QRSL1: variants seen among roughly 807,000 people sequenced by gnomAD.
QRSL1 encodes the protein glutamyl-tRNA(Gln) amidotransferase subunit A, mitochondrial.
QRSL1 carries 54 observed loss-of-function variants against 61.6 expected under a neutral mutation model. That is an observed-to-expected ratio of 0.88 (90% confidence interval 0.70 to 1.10). The LOEUF is 1.10. Ranked by LOEUF, QRSL1 falls within the 50% of genes least tolerant of loss-of-function variation. The pLI is 0.00. For synonymous variants in QRSL1, 228 were observed against 225.7 expected (o/e 1.01, Z -0.09); for missense variants, 505 against 622.6 (o/e 0.81, Z 2.01).
chr6:106,665,717 T>C, intron 10 of QRSL1, 65 bp from the exon 11 acceptor site: 1 of 1,368,696 alleles, frequency 7.3e-7, no homozygotes, highest in Non-Finnish European at 1.0e-6. Flanking sequence ...CACTGGAAAG[T>C]GGAAGAGGTC....
chr6:106,639,111 G>GTTTTTTTTTTTTTTTT (rs1562164982), intron 1 of QRSL1, among the ~76,000 whole-genome samples: 16 of 60,752 alleles, frequency 2.6e-4, no homozygotes, highest in African/African-American at 9.4e-4. Context: ...TTATTTGTGT[G>GTTTTTTTTTTTTTTTT]TTTTGTTGTT....
intron 3 of QRSL1, among the ~76,000 whole-genome samples, chr6:106,641,991 ATAAT>A (rs1777027969): frequency 6.6e-6 from 1 of 152,248 alleles, no homozygotes; most frequent in African/African-American, 2.4e-5. Flanking sequence ...TAAATTAGGA[ATAAT>A]TAATACATAT....
chr6:106,633,251 A>AT (rs1246527745), intron 1 of QRSL1, among the ~76,000 whole-genome samples: 1 of 152,146 alleles, frequency 6.6e-6, no homozygotes, highest in Admixed American at 6.5e-5. Context: ...TCTACTTTGT[A>AT]TTTTTTCCAC....
At chr6:106,645,025 T>G (rs973578588) in intron 4 of QRSL1, among the ~76,000 whole-genome samples, 35 of 145,286 alleles carry the variant, frequency 2.4e-4, no homozygotes, top group Non-Finnish European at 5.1e-4. Flanking sequence ...TGATCTTAGG[T>G]TTTTTTGTCA....
intron 9 of QRSL1, 88 bp downstream of exon 9, chr6:106,655,820 T>C (rs1292752042): frequency 2.4e-6 from 2 of 826,474 alleles, no homozygotes; most frequent in Non-Finnish European, 4.0e-6. Flanking sequence ...AGGTATTTAG[T>C]AAAGAAACAA....
At chr6:106,635,767 A>G (rs1168719211) in intron 1 of QRSL1, among the ~76,000 whole-genome samples, 1 of 151,846 alleles carries the variant, frequency 6.6e-6, no homozygotes, top group Non-Finnish European at 1.5e-5. Flanking sequence ...GCTACTCAGG[A>G]GGCTGAGGCA....
chr6:106,640,367 CA>C lies in QRSL1; in HGVS notation c.45del (p.Gly16AlafsTer22), dbSNP rs1776998511. 6.2e-7 allele frequency: 1 copy of C among 1,610,220 alleles called. No individual in the cohort carries two copies. Among genetic ancestry groups the C allele is most frequent in the Non-Finnish European group, 8.5e-7 (1 of 1,178,854 alleles). On this transcript the variant is annotated frameshift_variant, in exon 2 of 11. Transcript: ENST00000369046. LOFTEE classifies it high-confidence loss of function. Reference sequence around the variant, plus strand: ...ACTATAGGTTTCTGCGGCACTGAAACAAGGCCAAATTACACCAACAGAGCTC... The same window carrying C: ...ACTATAGGTTTCTGCGGCACTGAAACAGGCCAAATTACACCAACAGAGCTC... ...SLREVSAALKQGQITPTELCQ... is the reference protein window; with the variant it reads ...SLREVSAALKXGQITPTELCQ...
At chr6:106,653,495 T>G (rs1209153923) in intron 7 of QRSL1, 2 of 152,120 alleles carry the variant, frequency 1.3e-5, no homozygotes, top group East Asian at 3.9e-4. Flanking sequence ...AGACCACTGC[T>G]ATAGAGAAAT....
At chr6:106,655,135 A>G (rs1005374347) in intron 8 of QRSL1, among the ~76,000 whole-genome samples, 1 of 152,218 alleles carries the variant, frequency 6.6e-6, no homozygotes, top group African/African-American at 2.4e-5. Flanking sequence ...AGGACTGTGA[A>G]TAACTCGAAG....
chr6:106,640,577 A>G (rs1562165761), intron 2 of QRSL1, 69 bp downstream of exon 2: 7 of 1,349,776 alleles, frequency 5.2e-6, no homozygotes, highest in South Asian at 1.5e-5. Context: ...AGCAGTCTCC[A>G]TTTGGCAAGT....
At chr6:106,642,681 CA>C (rs1777041186) in intron 3 of QRSL1, 1 of 759,132 alleles carries the variant, frequency 1.3e-6, no homozygotes, top group Non-Finnish European at 2.4e-6. Flanking sequence ...TTGTTGTAAA[CA>C]AACAAGGGCA....
At chr6:106,643,129 C>G (rs1777048311) in intron 4 of QRSL1, 39 bp downstream of exon 4, 46 of 1,378,070 alleles carry the variant, frequency 3.3e-5, no homozygotes, top group Non-Finnish European at 4.5e-5. Context: ...TTTCTTCTGT[C>G]TGTGCCTTTA....
chr6:106,635,080 A>G (rs1776900105), intron 1 of QRSL1, among the ~76,000 whole-genome samples: 1 of 151,922 alleles, frequency 6.6e-6, no homozygotes, highest in African/African-American at 2.4e-5. Context: ...ACTAGATACA[A>G]GAGTTCAGAG....
chr6:106,641,820 A>G (rs1315868557), intron 3 of QRSL1, among the ~76,000 whole-genome samples: 1 of 152,362 alleles, frequency 6.6e-6, no homozygotes, highest in Admixed American at 6.5e-5. Context: ...TACTATTTCA[A>G]AAATACTGGG....
Position 106,648,989 on chromosome 6 carries a change from G to A in QRSL1, c.381-36G>A, listed in dbSNP as rs551378192. 25 of 1,563,252 alleles carry A rather than the reference G, an allele frequency of 1.6e-5. 1 individual carries two copies. The South Asian group carries it at 2.7e-4, about 17-fold the overall frequency. On this transcript the variant is annotated intron_variant, in intron 4 of 10. Transcript: ENST00000369046. ...GATGAAATTTTCACATAAAATGAAA[G>A]TTTTACTAAGGTATCTTGCTTCACT...
In QRSL1 at chr6:106,662,514, A is replaced by T. The variant is rs183543650; in HGVS notation, c.1161-466A>T. On this transcript the variant is annotated intron_variant, in intron 9 of 10. Transcript: ENST00000369046. ...CTTTTTTTTTTTTTTTCCCTAAACAATGCCTAAACTCTTTATTTAACCAAC... is the reference window on the plus strand; with the variant it reads ...CTTTTTTTTTTTTTTTCCCTAAACATTGCCTAAACTCTTTATTTAACCAAC... Among the ~76,000 whole-genome samples, 100 of 150,238 alleles carry T rather than the reference A, an allele frequency of 6.7e-4. 1 individual carries two copies. In the East Asian group the frequency reaches 0.019, roughly 28 times the overall value.
intron 7 of QRSL1, chr6:106,652,796 A>T: frequency 6.9e-7 from 1 of 1,454,980 alleles, no homozygotes; most frequent in Non-Finnish European, 9.1e-7. Flanking sequence ...TGTGAGGATC[A>T]ATTAGACAGT....
chr6:106,641,844 A>G (rs1777024880), intron 3 of QRSL1, among the ~76,000 whole-genome samples: 1 of 152,238 alleles, frequency 6.6e-6, no homozygotes, highest in Non-Finnish European at 1.5e-5. Flanking sequence ...ATCTCTGACT[A>G]TCATGCAATA....
At chr6:106,664,597 C>T (rs1015610973) in intron 10 of QRSL1, among the ~76,000 whole-genome samples, 2 of 152,162 alleles carry the variant, frequency 1.3e-5, no homozygotes, top group Non-Finnish European at 2.9e-5. Flanking sequence ...AGAGCCCAGT[C>T]CACTTGTGCT....
Sources: gnomAD v4.1 joint callset for allele counts (sites outside exome capture counted in the v4.1 genomes callset) on GRCh38, gnomAD v4.1.1 for gene constraint, MANE v1.5 for transcripts, NCBI Gene and HGNC (gene_info 2026-07-23, HGNC 2026-07-21) for gene names.